Variants in POLI observed in about 807,000 individuals in gnomAD.
The protein encoded by POLI is RAD30 homolog B.
POLI carries 58 observed loss-of-function variants against 51.6 expected under a neutral mutation model. The ratio of observed to expected loss-of-function variants is 1.12; its 90% CI spans 0.91 to 1.40. The LOEUF (loss-of-function observed/expected upper bound fraction) is 1.40, where lower values mean the gene tolerates loss of function less well. Ranked by LOEUF, POLI falls within the 40% of genes most tolerant of loss-of-function variation. The pLI is 0.00. For synonymous variants in POLI, 322 were observed against 299.7 expected (o/e 1.07, Z -0.77); for missense variants, 921 against 871.3 (o/e 1.06, Z -0.72).
intron 4 of POLI, among the ~76,000 whole-genome samples, chr18:54,279,443 A>G (rs1328532981): frequency 6.6e-6 from 1 of 151,986 alleles, no homozygotes; most frequent in South Asian, 2.1e-4. Flanking sequence ...GGGTTTCACC[A>G]TGTTGGCCAG....
Position 54,281,019 on chromosome 18 carries a change from CAT to C in POLI, c.796+117_796+118del, listed in dbSNP as rs571877628. On this transcript the variant is annotated intron_variant, in intron 5 of 9. Coordinates refer to ENST00000579534, the MANE Select transcript of POLI (RefSeq NM_007195.3). ...GTAGAGTTGTCTGTGAGTTTGTGTG[CAT>C]GTGTGTGTGTGTGTATACTTGGTTC... 2.1e-3 allele frequency: 1,264 copies of C among 614,584 alleles called. 12 individuals carry two copies. Among genetic ancestry groups the C allele is most frequent in the Middle Eastern group, 0.013 (30 of 2,310 alleles). The allele number at this position is 614,584 out of a possible 1,614,324, so 38.1% of individuals were successfully genotyped here.
chr18:54,287,215 A>G, intron 7 of POLI, 66 bp from the exon 8 acceptor site: 2 of 1,141,350 alleles, frequency 1.8e-6, no homozygotes, highest in Non-Finnish European at 2.5e-6. Context: ...GATAAATGAG[A>G]TGTTACATAA....
intron 4 of POLI, among the ~76,000 whole-genome samples, chr18:54,279,747 C>A (rs910656895): frequency 6.6e-5 from 10 of 152,142 alleles, no homozygotes; most frequent in African/African-American, 2.4e-4. Context: ...TGTTTTACAC[C>A]TAAAGCAAAT....
intron 3 of POLI, among the ~76,000 whole-genome samples, chr18:54,303,406 T>A (rs1262639014): frequency 6.6e-6 from 1 of 152,214 alleles, no homozygotes; most frequent in Non-Finnish European, 1.5e-5. Flanking sequence ...TAATTACTAT[T>A]TTCAACAAAG....
chr18:54,299,457 T>C (rs768318067), downstream of POLI, among the ~76,000 whole-genome samples: 1 of 152,094 alleles, frequency 6.6e-6, no homozygotes, highest in Non-Finnish European at 1.5e-5. Flanking sequence ...AAAAAGCCTG[T>C]TTTATAATAA....
In POLI at chr18:54,294,029, C is replaced by T. The variant is rs1161410835; in HGVS notation, c.1785C>T (p.Ser595=). Residue 595 remains serine (S), a synonymous_variant, in exon 10 of 10, where the codon TCC becomes TCT. Coordinates refer to ENST00000579534, the MANE Select transcript of POLI (RefSeq NM_007195.3). ...ATTTATCCAGTAGCAAACAGGTATC[C>T]TCTGTATCTCCTTGTGAACCGGGAA... ...RDHLSSSKQV[S]SVSPCEPGTS... is the part of the protein sequence containing the mutation. 8.1e-6 allele frequency: 13 copies of T among 1,613,470 alleles called. No individual in the cohort carries two copies. Among genetic ancestry groups the T allele is most frequent in the South Asian group, 1.1e-5 (1 of 91,066 alleles).
chr18:54,283,681 ATTTTATATTAACTG>A (rs1357698340), intron 6 of POLI: 5 of 233,472 alleles, frequency 2.1e-5, no homozygotes, highest in South Asian at 3.0e-4. Flanking sequence ...ACTTTGAATT[ATTTTATATTAACTG>A]TTTTATATTA....
At chr18:54,271,118 C>T (rs765568998) in intron 1 of POLI, 1 of 317,498 alleles carries the variant, frequency 3.1e-6, no homozygotes, top group African/African-American at 2.2e-5. Flanking sequence ...CATTTTTTCC[C>T]TTCAAACTTA....
At chr18:54,312,126 C>G (rs1488049386) in intron 3 of POLI, among the ~76,000 whole-genome samples, 1 of 152,056 alleles carries the variant, frequency 6.6e-6, no homozygotes, top group Non-Finnish European at 1.5e-5. Flanking sequence ...TATATTCCCC[C>G]CCAGCGTCTG....
At chr18:54,277,915 C>G in intron 4 of POLI, 60 bp downstream of exon 4, 1 of 1,244,720 alleles carries the variant, frequency 8.0e-7, no homozygotes, top group East Asian at 2.4e-5. Flanking sequence ...TCTTAATGTT[C>G]AGTGAGTTCG....
chr18:54,269,848 A>T (rs900082837), intron 1 of POLI, 187 bp downstream of exon 1: 8 of 1,339,418 alleles, frequency 6.0e-6, no homozygotes, highest in Non-Finnish European at 7.6e-6. Context: ...GGCTTCACCC[A>T]GCAGGAGTAG....
intron 3 of POLI, among the ~76,000 whole-genome samples, chr18:54,316,192 G>A (rs978117067): frequency 2.0e-5 from 3 of 152,144 alleles, no homozygotes; most frequent in African/African-American, 4.8e-5. Context: ...TGGGATTATA[G>A]GTGTGAGCCA....
intron 3 of POLI, among the ~76,000 whole-genome samples, chr18:54,313,383 T>C (rs193222219): frequency 1.3e-5 from 2 of 152,326 alleles, no homozygotes; most frequent in African/African-American, 4.8e-5. Context: ...CGAAGTCAAG[T>C]AATATGATGT....
chr18:54,282,439 C>T, intron 5 of POLI, among the ~76,000 whole-genome samples: 1 of 152,112 alleles, frequency 6.6e-6, no homozygotes, highest in East Asian at 1.9e-4. Flanking sequence ...TTTCACTTTT[C>T]ACAGTTTCTA....
At position 54,295,426 on chromosome 18, in the gene POLI, T is replaced by G; in HGVS notation, c.*959T>G. 1.0e-6 allele frequency: 1 copy of G among 971,660 alleles called. No homozygotes were observed. The highest frequency in any genetic ancestry group is 1.2e-6 in the Non-Finnish European group (1 of 817,384). 60.2% of individuals were successfully genotyped at this position (971,660 alleles called of 1,614,324 possible). ...TAAAAATTGGATATAAGATTGAGAA[T>G]GTATTATATAATTTGCAAGACATAG... On this transcript the variant is annotated 3_prime_UTR_variant, in exon 10 of 10. Coordinates refer to ENST00000579534, the MANE Select transcript of POLI (RefSeq NM_007195.3).
rs3730705 is a variant in POLI, at chr18:54,273,802, A to G, written c.242-124A>G. ...GGAGGCTATGTTTTTTAATTGAGAC[A>G]GGGCTTTTGATTCTTATCAAAACTG... On this transcript the variant is annotated intron_variant, in intron 2 of 9. Coordinates refer to ENST00000579534, the MANE Select transcript of POLI (RefSeq NM_007195.3). The G allele has an allele frequency of 8.1e-4, 400 of 493,080 alleles. 2 individuals are homozygous for G. Among genetic ancestry groups the G allele is most frequent in the African/African-American group, 7.5e-3 (377 of 50,174 alleles). 30.5% of individuals were successfully genotyped at this position (493,080 alleles called of 1,614,324 possible).
intron 8 of POLI, among the ~76,000 whole-genome samples, chr18:54,288,514 T>G (rs2087849801): frequency 6.6e-6 from 1 of 152,194 alleles, no homozygotes; most frequent in Non-Finnish European, 1.5e-5. Flanking sequence ...TTGTCAAAAA[T>G]TAATTGACCA....
chr18:54,315,365 G>T (rs575226477), intron 3 of POLI, among the ~76,000 whole-genome samples: 1 of 152,040 alleles, frequency 6.6e-6, no homozygotes, highest in African/African-American at 2.4e-5. Context: ...CTTGAGACTT[G>T]CTTTATGTAT....
intron 1 of POLI, 34 bp from the exon 2 acceptor site, chr18:54,271,326 T>C (rs1175793923): frequency 6.3e-7 from 1 of 1,582,412 alleles, no homozygotes; most frequent in Non-Finnish European, 8.6e-7. Flanking sequence ...ATAAGCAGCC[T>C]GAATTTCTTT....
Sources: allele counts gnomAD v4.1 joint callset (sites outside exome capture counted in the v4.1 genomes callset), GRCh38; gene constraint gnomAD v4.1.1; transcripts MANE v1.5; gene names NCBI Gene and HGNC (gene_info 2026-07-23, HGNC 2026-07-21).